Variants in SORCS2 observed in about 807,000 individuals in gnomAD.
SORCS2 encodes sortilin related VPS10 domain containing receptor 2.
In SORCS2, 100 loss-of-function variants were observed where a neutral mutation model predicts 141.6. The ratio of observed to expected loss-of-function variants is 0.71; its 90% CI spans 0.60 to 0.83. The LOEUF (loss-of-function observed/expected upper bound fraction) is 0.83. Among genes scored for constraint, SORCS2 ranks in the 40% least tolerant of loss-of-function variants. The pLI is 0.00. For missense variants in SORCS2, 1,646 were observed against 1,560.2 expected (o/e 1.05, Z -0.93); for synonymous variants, 789 against 676.9 (o/e 1.17, Z -2.57).
chr4:7,223,872 C>CA (rs113535968), intron 1 of SORCS2, among the ~76,000 whole-genome samples: 107,055 of 151,882 alleles, frequency 0.7, 37,740 homozygotes, highest in East Asian at 0.75. Flanking sequence ...TGTTAAGTGG[C>CA]TGTTAAGTGC....
intron 14 of SORCS2, among the ~76,000 whole-genome samples, chr4:7,712,259 G>A (rs1725868359): frequency 6.6e-6 from 1 of 152,244 alleles, no homozygotes; most frequent in Admixed American, 6.5e-5. Flanking sequence ...GCGATAGAAA[G>A]CTGGGTTTCT....
chr4:7,734,739 CACAG>C (rs1157743703), intron 25 of SORCS2, among the ~76,000 whole-genome samples: 1 of 152,216 alleles, frequency 6.6e-6, no homozygotes, highest in Non-Finnish European at 1.5e-5. Flanking sequence ...CCCAAGGTAA[CACAG>C]ACGGCCAGCC....
chr4:7,261,097 G>T (rs991244423), intron 1 of SORCS2, among the ~76,000 whole-genome samples: 6 of 152,210 alleles, frequency 3.9e-5, no homozygotes, highest in African/African-American at 1.4e-4. Flanking sequence ...TCCCCTGTAT[G>T]GTCAGACACT....
At chr4:7,633,687 A>C (rs1350860329) in intron 3 of SORCS2, among the ~76,000 whole-genome samples, 5 of 152,176 alleles carry the variant, frequency 3.3e-5, no homozygotes, top group African/African-American at 1.2e-4. Context: ...AATGTTCGTA[A>C]GGTTGTTTTC....
intron 3 of SORCS2, among the ~76,000 whole-genome samples, chr4:7,560,032 A>G (rs1339902659): frequency 6.6e-6 from 1 of 152,112 alleles, no homozygotes; most frequent in Non-Finnish European, 1.5e-5. Context: ...AAAGGCGGGG[A>G]GGCTTCTGTG....
intron 3 of SORCS2, among the ~76,000 whole-genome samples, chr4:7,625,373 G>T (rs1178489701): frequency 2.6e-5 from 4 of 152,062 alleles, no homozygotes. Context: ...CCAGGCTTCT[G>T]TTTCTTTGTC....
chr4:7,605,397 C>T (rs1410890207), intron 3 of SORCS2, among the ~76,000 whole-genome samples: 1 of 152,116 alleles, frequency 6.6e-6, no homozygotes, highest in Non-Finnish European at 1.5e-5. Context: ...GAGTTCTGTT[C>T]TTCGAGGAAA....
intron 3 of SORCS2, among the ~76,000 whole-genome samples, chr4:7,582,252 A>G (rs1314777112): frequency 1.3e-5 from 2 of 152,232 alleles, no homozygotes; most frequent in African/African-American, 4.8e-5. Context: ...ATACAGGACA[A>G]TAGGGGCAAA....
intron 11 of SORCS2, among the ~76,000 whole-genome samples, chr4:7,691,398 A>G (rs978874538): frequency 2.4e-4 from 36 of 152,330 alleles, no homozygotes; most frequent in African/African-American, 8.7e-4. Flanking sequence ...CCAAAGGACC[A>G]GACCAGAGTG....
chr4:7,671,641 CAATTA>C (rs1204399318), intron 8 of SORCS2, among the ~76,000 whole-genome samples: 1 of 152,120 alleles, frequency 6.6e-6, no homozygotes, highest in Admixed American at 6.5e-5. Context: ...AAAGATAAGA[CAATTA>C]AAACAATATC....
chr4:7,451,052 A>G (rs1560295297), intron 2 of SORCS2, among the ~76,000 whole-genome samples: 1 of 151,892 alleles, frequency 6.6e-6, no homozygotes, highest in Non-Finnish European at 1.5e-5. Flanking sequence ...GAGTGAGTGA[A>G]TAAGTGAATG....
Position 7,272,003 on chromosome 4 carries a change from A to G in SORCS2, c.480+78877A>G, listed in dbSNP as rs370356125. On this transcript the variant is annotated intron_variant, in intron 1 of 26. Coordinates refer to ENST00000507866, the MANE Select transcript of SORCS2 (RefSeq NM_020777.3). ...TAAGAACAGAGACAACATGACTGGCATATGGGAAGGGTGTGTGTGCACACT... is the reference window on the plus strand; with the variant it reads ...TAAGAACAGAGACAACATGACTGGCGTATGGGAAGGGTGTGTGTGCACACT... Among the ~76,000 whole-genome samples the G allele has an allele frequency of 6.8e-4, 104 of 152,334 alleles. 1 individual carries two copies. In the South Asian group the frequency reaches 0.021, roughly 31 times the overall value.
chr4:7,436,714 G>C (rs1727327492), intron 2 of SORCS2, among the ~76,000 whole-genome samples: 1 of 152,242 alleles, frequency 6.6e-6, no homozygotes, highest in South Asian at 2.1e-4. Context: ...CCCTGGGTGT[G>C]TATTAATTAG....
chr4:7,618,123 C>T (rs191826408), intron 3 of SORCS2, among the ~76,000 whole-genome samples: 109 of 152,220 alleles, frequency 7.2e-4, no homozygotes, highest in African/African-American at 2.4e-3. Flanking sequence ...TGATTCATCG[C>T]GTTGCCATCG....
chr4:7,419,999 A>C (rs1014231717), intron 2 of SORCS2, among the ~76,000 whole-genome samples: 1 of 151,842 alleles, frequency 6.6e-6, no homozygotes, highest in Non-Finnish European at 1.5e-5. Context: ...AGCTCTGCAC[A>C]CTCCTCTCCC....
At chr4:7,687,859 C>A (rs1723972255) in intron 10 of SORCS2, among the ~76,000 whole-genome samples, 1 of 152,174 alleles carries the variant, frequency 6.6e-6, no homozygotes, top group Admixed American at 6.5e-5. Flanking sequence ...AGGCCCCGAT[C>A]CTTAGCTGTC....
intron 12 of SORCS2, among the ~76,000 whole-genome samples, chr4:7,702,777 A>G (rs1216405911): frequency 6.6e-6 from 1 of 152,266 alleles, no homozygotes; most frequent in African/African-American, 2.4e-5. Context: ...TGAAGAGACA[A>G]TGACAGATGA....
chr4:7,461,111 G>A (rs1229954088), intron 2 of SORCS2, among the ~76,000 whole-genome samples: 1 of 152,166 alleles, frequency 6.6e-6, no homozygotes, highest in Non-Finnish European at 1.5e-5. Flanking sequence ...TTAGAGAGGA[G>A]GCCATGTCAG....
chr4:7,244,577 T>C (rs970572345), intron 1 of SORCS2, among the ~76,000 whole-genome samples: 5 of 152,176 alleles, frequency 3.3e-5, no homozygotes, highest in African/African-American at 1.2e-4. Flanking sequence ...GCAGGCGTGG[T>C]GTGGGTTGGC....
Sources: allele counts gnomAD v4.1 joint callset (sites outside exome capture counted in the v4.1 genomes callset), GRCh38; gene constraint gnomAD v4.1.1; transcripts MANE v1.5; gene names NCBI Gene and HGNC (gene_info 2026-07-23, HGNC 2026-07-21).